The following STK17A variants were observed in gnomAD, a reference collection of about 807,000 sequenced individuals.
STK17A encodes serine/threonine-protein kinase 17A.
In STK17A, 26 loss-of-function variants were observed where a neutral mutation model predicts 43.7. The ratio of observed to expected loss-of-function variants is 0.60; its 90% CI spans 0.44 to 0.83. The LOEUF is 0.83. Among genes scored for constraint, STK17A ranks in the 40% least tolerant of loss-of-function variants. The pLI, the probability that STK17A is intolerant of heterozygous loss-of-function variation, is 0.00. For missense variants in STK17A, 476 were observed against 511.6 expected, an observed-to-expected ratio of 0.93 and a Z score of 0.67; for synonymous variants, 191 against 182.5, an observed-to-expected ratio of 1.05 and a Z score of -0.38.
Position 43,613,716 on chromosome 7 carries a change from C to T in STK17A, c.564+5316C>T, listed in dbSNP as rs371241551. On this transcript the variant is annotated intron_variant, in intron 3 of 6. Coordinates refer to ENST00000319357, the MANE Select transcript of STK17A (RefSeq NM_004760.3). ...AAAATCAGCCAGCCATGGTGGCACGCGCCTTTAGTCCCAGCTACAGAGGAA... is the reference window on the plus strand; with the variant it reads ...AAAATCAGCCAGCCATGGTGGCACGTGCCTTTAGTCCCAGCTACAGAGGAA... Among the ~76,000 whole-genome samples, 41 of 152,160 alleles carry T rather than the reference C, an allele frequency of 2.7e-4. No individual in the cohort carries two copies. In the East Asian group the frequency reaches 5.6e-3, roughly 21 times the overall value.
At position 43,626,276 on chromosome 7, in the gene STK17A, C is replaced by CT. The variant is rs2153029984; in HGVS notation, c.*1435dup. 1 of 152,318 alleles carries CT rather than the reference C, an allele frequency of 6.6e-6. No individual in the cohort carries two copies. The highest frequency in any genetic ancestry group is 2.1e-4 in the South Asian group (1 of 4,826). 9.4% of individuals were successfully genotyped at this position (152,318 alleles called of 1,614,324 possible). On this transcript the variant is annotated 3_prime_UTR_variant, in exon 7 of 7. Transcript: ENST00000319357. Reference sequence around the variant, plus strand: ...TCATGAAAATGACAGCACCTAACCACTATTTTAAAGTATGTACAGTAAATA... The same window carrying CT: ...TCATGAAAATGACAGCACCTAACCACTTATTTTAAAGTATGTACAGTAAATA...
chr7:43,596,236 A>G, intron 2 of STK17A, 123 bp downstream of exon 2: 2 of 819,730 alleles, frequency 2.4e-6, no homozygotes, highest in Non-Finnish European at 1.8e-6. Context: ...TTTCTAGATC[A>G]TCTTCAGGTG....
At chr7:43,608,449 A>T (rs755004008) in intron 3 of STK17A, 49 bp downstream of exon 3, 1 of 1,564,504 alleles carries the variant, frequency 6.4e-7, no homozygotes, top group Admixed American at 1.9e-5. Flanking sequence ...GACATTCAAG[A>T]CATAAAATAT....
At chr7:43,620,567 G>T (rs10246823) in intron 4 of STK17A, among the ~76,000 whole-genome samples, 1 of 151,838 alleles carries the variant, frequency 6.6e-6, no homozygotes, top group African/African-American at 2.4e-5. Flanking sequence ...CCAGCTACTC[G>T]GGAGGCTGAG....
At chr7:43,611,457 T>C (rs1002295322) in intron 3 of STK17A, among the ~76,000 whole-genome samples, 4 of 152,214 alleles carry the variant, frequency 2.6e-5, no homozygotes, top group South Asian at 2.1e-4. Flanking sequence ...TATGGACATG[T>C]GCACACCCAC....
intron 3 of STK17A, among the ~76,000 whole-genome samples, chr7:43,612,229 C>G (rs889774757): frequency 1.3e-5 from 2 of 152,216 alleles, no homozygotes; most frequent in African/African-American, 4.8e-5. Flanking sequence ...AAAGGGTTCT[C>G]AGCCTTCCTT....
chr7:43,598,127 C>A lies in STK17A; in HGVS notation c.419+2014C>A, dbSNP rs181208910. Among the ~76,000 whole-genome samples the A allele has an allele frequency of 2.2e-4, 33 of 152,136 alleles. 1 individual carries two copies. The highest frequency in any genetic ancestry group is 2.0e-3 in the Admixed American group (30 of 15,286). ...TTTACAAACATAACACTCAGATATA[C>A]CGACAGTCACACAAATGTAACGGTT... On this transcript the variant is annotated intron_variant, in intron 2 of 6. Coordinates refer to ENST00000319357, the MANE Select transcript of STK17A (RefSeq NM_004760.3).
intron 1 of STK17A, among the ~76,000 whole-genome samples, chr7:43,594,805 A>C (rs2082503271): frequency 6.6e-6 from 1 of 151,432 alleles, no homozygotes; most frequent in South Asian, 2.1e-4. Context: ...TCATGCCTTT[A>C]ATCCTAGCAG....
At position 43,589,947 on chromosome 7, in the gene STK17A, T is replaced by A. The variant is rs9801329; in HGVS notation, c.207-5954T>A. Among the ~76,000 whole-genome samples, 202 of 88,238 alleles carry A rather than the reference T, an allele frequency of 2.3e-3. 4 individuals are homozygous for A. Among genetic ancestry groups the A allele is most frequent in the African/African-American group, 5.6e-3 (183 of 32,630 alleles). The allele number at this position is 88,238 out of a possible 152,430, so 57.9% of individuals were successfully genotyped here. A position where few individuals can be genotyped will look rare whatever the true frequency, so the allele number is the denominator to read the frequency against. On this transcript the variant is annotated intron_variant, in intron 1 of 6. Coordinates refer to ENST00000319357, the MANE Select transcript of STK17A (RefSeq NM_004760.3). ...TTTAATTTTAATTTTAATTTTATTT[T>A]ATTTTATTTTATTTTATTTTATTTG...
intron 3 of STK17A, among the ~76,000 whole-genome samples, chr7:43,611,120 A>AT (rs1205535761): frequency 6.6e-6 from 1 of 152,254 alleles, no homozygotes; most frequent in East Asian, 1.9e-4. Context: ...CCGTCTCAAA[A>AT]CAAAAAAAAG....
intron 2 of STK17A, among the ~76,000 whole-genome samples, 184 bp downstream of exon 2, chr7:43,596,297 T>G (rs2082515372): frequency 6.6e-6 from 1 of 152,248 alleles, no homozygotes; most frequent in Non-Finnish European, 1.5e-5. Context: ...GCATGTATAT[T>G]AGCTTTTTTA....
chr7:43,608,329 A>G lies in STK17A; in HGVS notation c.493A>G (p.Arg165Gly). 1 of 1,614,138 alleles carries G rather than the reference A, an allele frequency of 6.2e-7. No homozygotes were observed. Among genetic ancestry groups the G allele is most frequent in the Non-Finnish European group, 8.5e-7 (1 of 1,180,008 alleles). ...EEAFKEKDVQRLMRQILEGVH... is the reference protein window; with the variant it reads ...EEAFKEKDVQGLMRQILEGVH... Reference sequence around the variant, plus strand: ...AGCCTTTAAAGAAAAAGATGTTCAAAGACTTATGCGACAGATTTTAGAAGG... The same window carrying G: ...AGCCTTTAAAGAAAAAGATGTTCAAGGACTTATGCGACAGATTTTAGAAGG... Residue 165 changes from arginine to glycine, a missense_variant, in exon 3 of 7, where the codon AGA (arginine) becomes GGA (glycine). By Grantham distance (125) the Arg-to-Gly change is moderately radical. Coordinates refer to ENST00000319357, the MANE Select transcript of STK17A (RefSeq NM_004760.3).
At chr7:43,615,572 T>C (rs1168902522) in intron 3 of STK17A, among the ~76,000 whole-genome samples, 2 of 152,200 alleles carry the variant, frequency 1.3e-5, no homozygotes, top group Non-Finnish European at 2.9e-5. Flanking sequence ...TAGGTGTTTT[T>C]TTCGTGAAGA....
chr7:43,607,647 CAAA>C (rs760624386), intron 2 of STK17A, among the ~76,000 whole-genome samples: 5 of 54,358 alleles, frequency 9.2e-5, no homozygotes, highest in African/African-American at 6.8e-5. Flanking sequence ...GACTCCGTCT[CAAA>C]AAAAAAAAAA....
chr7:43,584,884 G>A (rs1368957407), intron 1 of STK17A, among the ~76,000 whole-genome samples: 2 of 152,198 alleles, frequency 1.3e-5, no homozygotes, highest in African/African-American at 4.8e-5. Flanking sequence ...ACATTCTGAA[G>A]TAACCCCTAT....
At chr7:43,599,994 A>C (rs762870915) in intron 2 of STK17A, among the ~76,000 whole-genome samples, 1 of 152,128 alleles carries the variant, frequency 6.6e-6, no homozygotes, top group Non-Finnish European at 1.5e-5. Flanking sequence ...CTCTCCAATT[A>C]CATGGTGCCT....
intron 1 of STK17A, among the ~76,000 whole-genome samples, chr7:43,587,147 G>GTTTTTTTTTTTTTTTTTTTTTTTT (rs202031785): frequency 1.8e-5 from 2 of 113,450 alleles, no homozygotes; most frequent in South Asian, 2.8e-4. Flanking sequence ...TGTTTTTATT[G>GTTTTTTTTTTTTTTTTTTTTTTTT]TTTTTTGTTT....
intron 2 of STK17A, among the ~76,000 whole-genome samples, chr7:43,599,365 G>A (rs2082541442): frequency 6.6e-6 from 1 of 152,226 alleles, no homozygotes; most frequent in Non-Finnish European, 1.5e-5. Context: ...GACAGTGGTT[G>A]TGATCTACAA....
At chr7:43,615,081 C>G (rs1030156963) in intron 3 of STK17A, among the ~76,000 whole-genome samples, 3 of 152,196 alleles carry the variant, frequency 2.0e-5, no homozygotes, top group Non-Finnish European at 4.4e-5. Context: ...GCAAAACATT[C>G]AATTATGAAT....
Sources: allele counts gnomAD v4.1 joint callset (sites outside exome capture counted in the v4.1 genomes callset), GRCh38; gene constraint gnomAD v4.1.1; transcripts MANE v1.5; gene names NCBI Gene and HGNC (gene_info 2026-07-23, HGNC 2026-07-21).